BPGM: variants seen among roughly 807,000 people sequenced by gnomAD.
BPGM encodes the protein 2,3-bisphosphoglycerate mutase, erythrocyte.
In BPGM, 15 loss-of-function variants were observed where a neutral mutation model predicts 21.6. That is an observed-to-expected ratio of 0.70 (90% confidence interval 0.47 to 1.07). The LOEUF (loss-of-function observed/expected upper bound fraction) is 1.07, where lower values mean the gene tolerates loss of function less well. BPGM is among the 50% of genes least tolerant of loss of function. The pLI, the probability that BPGM is intolerant of heterozygous loss-of-function variation, is 0.00. For missense variants in BPGM, 273 were observed against 319.0 expected, an observed-to-expected ratio of 0.86 and a Z score of 1.10; for synonymous variants, 113 against 116.2, an observed-to-expected ratio of 0.97 and a Z score of 0.18.
chr7:134,658,892 A>ATTTTTTTTATTTTTATTT lies in BPGM; in HGVS notation c.-61-2547_-61-2546insATTTTTATTTTTTTTTTT, dbSNP rs5741666. Among the ~76,000 whole-genome samples, 223 of 143,950 alleles carry ATTTTTTTTATTTTTATTT rather than the reference A, an allele frequency of 1.5e-3. 1 individual carries two copies. Among genetic ancestry groups the ATTTTTTTTATTTTTATTT allele is most frequent in the African/African-American group, 4.5e-3 (173 of 38,218 alleles). 94.4% of individuals were successfully genotyped at this position (143,950 alleles called of 152,430 possible). A position where few individuals can be genotyped will look rare whatever the true frequency, so the allele number is the denominator to read the frequency against. On this transcript the variant is annotated intron_variant, in intron 1 of 2. Transcript: ENST00000344924. ...TCTGTTCTGGTGTGTGTGTGTGTGT[A>ATTTTTTTTATTTTTATTT]TTTTTTTTTTAGTAAAAAGAAAACA...
chr7:134,652,606 T>C (rs1262745383), intron 1 of BPGM, among the ~76,000 whole-genome samples: 1 of 152,196 alleles, frequency 6.6e-6, no homozygotes, highest in Non-Finnish European at 1.5e-5. Context: ...CTGTTAACCA[T>C]CCTCACTTTA....
chr7:134,675,755 T>C (rs1462381929), intron 2 of BPGM, among the ~76,000 whole-genome samples: 2 of 152,204 alleles, frequency 1.3e-5, no homozygotes, highest in Non-Finnish European at 2.9e-5. Context: ...TGTCAATTTA[T>C]ACAAAAAAGT....
At chr7:134,659,023 C>T (rs1404824104) in intron 1 of BPGM, among the ~76,000 whole-genome samples, 1 of 151,924 alleles carries the variant, frequency 6.6e-6, no homozygotes, top group Admixed American at 6.6e-5. Flanking sequence ...TGTTTTGTCC[C>T]CTTGATATAG....
Position 134,679,315 on chromosome 7 carries a change from G to A in BPGM, c.*284G>A. Reference sequence around the variant, plus strand: ...GGTCATAAGTTTCTGAGATGGGAGAGCAACAAGTAGAGATGAAGTTAAAGG... The same window carrying A: ...GGTCATAAGTTTCTGAGATGGGAGAACAACAAGTAGAGATGAAGTTAAAGG... On this transcript the variant is annotated 3_prime_UTR_variant, in exon 3 of 3. Transcript: ENST00000344924. The A allele has an allele frequency of 2.3e-6, 1 of 427,404 alleles. No individual in the cohort carries two copies. The highest frequency in any genetic ancestry group is 4.4e-5 in the East Asian group (1 of 22,650). The allele number at this position is 427,404 out of a possible 1,614,324, so 26.5% of individuals were successfully genotyped here.
chr7:134,676,014 T>C (rs1482769945), intron 2 of BPGM, among the ~76,000 whole-genome samples: 1 of 152,240 alleles, frequency 6.6e-6, no homozygotes, highest in Non-Finnish European at 1.5e-5. Flanking sequence ...TTATTGCTAC[T>C]GTATTAAAAA....
At chr7:134,657,634 A>AC (rs950209158) in intron 1 of BPGM, among the ~76,000 whole-genome samples, 24 of 152,012 alleles carry the variant, frequency 1.6e-4, no homozygotes, top group African/African-American at 5.8e-4. Flanking sequence ...AGGCATGAGC[A>AC]CCCCCCACTA....
At chr7:134,653,150 T>G (rs1009587746) in intron 1 of BPGM, among the ~76,000 whole-genome samples, 2 of 152,220 alleles carry the variant, frequency 1.3e-5, no homozygotes, top group African/African-American at 4.8e-5. Flanking sequence ...TGAAGTTTTA[T>G]TGAAACAGAT....
intron 2 of BPGM, among the ~76,000 whole-genome samples, chr7:134,675,794 G>C (rs913561596): frequency 6.6e-6 from 1 of 152,084 alleles, no homozygotes; most frequent in Non-Finnish European, 1.5e-5. Context: ...GGATTGTATT[G>C]AATCTGTATG....
At chr7:134,652,144 TC>T (rs1264935977) in intron 1 of BPGM, among the ~76,000 whole-genome samples, 1 of 152,228 alleles carries the variant, frequency 6.6e-6, no homozygotes, top group African/African-American at 2.4e-5. Flanking sequence ...ATTCCATTAC[TC>T]ATGGTACTTG....
In BPGM at chr7:134,664,318, C is replaced by G. The variant is rs76983762; in HGVS notation, c.601+2210C>G. ...TGCTCTCTCTGATGACTCTAGGAGA[C>G]AATTCTTCCTTGCCTTGGCTAGCTT... On this transcript the variant is annotated intron_variant, in intron 2 of 2. Coordinates refer to ENST00000344924, the MANE Select transcript of BPGM (RefSeq NM_001724.5). Among the ~76,000 whole-genome samples, 100 of 152,244 alleles carry G rather than the reference C, an allele frequency of 6.6e-4. No homozygotes were observed. In the East Asian group the frequency reaches 0.016, roughly 24 times the overall value.
At chr7:134,670,671 T>C (rs1161210120) in intron 2 of BPGM, among the ~76,000 whole-genome samples, 8 of 152,180 alleles carry the variant, frequency 5.3e-5, no homozygotes, top group Non-Finnish European at 8.8e-5. Context: ...TCAGCTCTTA[T>C]TGGCCATAAA....
At chr7:134,662,629 T>C (rs1037382307) in intron 2 of BPGM, among the ~76,000 whole-genome samples, 5 of 152,212 alleles carry the variant, frequency 3.3e-5, no homozygotes, top group Non-Finnish European at 5.9e-5. Flanking sequence ...TTCTTCCAAC[T>C]TTAAACAATG....
chr7:134,672,139 T>C (rs1444190209), intron 2 of BPGM, among the ~76,000 whole-genome samples: 1 of 152,172 alleles, frequency 6.6e-6, no homozygotes, highest in Non-Finnish European at 1.5e-5. Flanking sequence ...CCTGGACTTA[T>C]TACCCCAAAC....
chr7:134,647,830 G>A (rs1480303887), intron 1 of BPGM, among the ~76,000 whole-genome samples: 1 of 152,160 alleles, frequency 6.6e-6, no homozygotes, highest in Admixed American at 6.5e-5. Context: ...GTCTCGCTCT[G>A]TCGCCCAGGC....
rs147550330 is a variant in BPGM, at chr7:134,662,325, C to G, written c.601+217C>G. 2.6e-5 allele frequency among the ~76,000 whole-genome samples: 4 copies of G among 152,346 alleles called. No individual in the cohort carries two copies. In the East Asian group the frequency reaches 7.7e-4, roughly 29 times the overall value. ...GCAGTTTTCAGACTTTAGCAAGCATCAGAGTCACCTGGAGAGGTTGGTGTA... is the reference window on the plus strand; with the variant it reads ...GCAGTTTTCAGACTTTAGCAAGCATGAGAGTCACCTGGAGAGGTTGGTGTA... On this transcript the variant is annotated intron_variant, in intron 2 of 2. Coordinates refer to ENST00000344924, the MANE Select transcript of BPGM (RefSeq NM_001724.5).
At chr7:134,652,564 T>C (rs1161968550) in intron 1 of BPGM, among the ~76,000 whole-genome samples, 3 of 152,210 alleles carry the variant, frequency 2.0e-5, no homozygotes, top group East Asian at 1.9e-4. Flanking sequence ...TACTGAATAC[T>C]GATCTTATTT....
At chr7:134,652,895 G>A (rs982243622) in intron 1 of BPGM, among the ~76,000 whole-genome samples, 1 of 152,138 alleles carries the variant, frequency 6.6e-6, no homozygotes, top group Non-Finnish European at 1.5e-5. Flanking sequence ...CACTTAGATT[G>A]CTTCCATATC....
At chr7:134,659,991 T>C (rs1562968375) in intron 1 of BPGM, among the ~76,000 whole-genome samples, 2 of 152,204 alleles carry the variant, frequency 1.3e-5, no homozygotes, top group African/African-American at 2.4e-5. Context: ...ACATTCTATG[T>C]TGTTTGCACG....
chr7:134,657,549 T>C, intron 1 of BPGM, among the ~76,000 whole-genome samples: 1 of 152,152 alleles, frequency 6.6e-6, no homozygotes, highest in Non-Finnish European at 1.5e-5. Flanking sequence ...CTCCCTAGGA[T>C]GGTGGGGGAG....
Sources: allele counts gnomAD v4.1 joint callset (sites outside exome capture counted in the v4.1 genomes callset), GRCh38; gene constraint gnomAD v4.1.1; transcripts MANE v1.5; gene names NCBI Gene and HGNC (gene_info 2026-07-23, HGNC 2026-07-21).